ADAT1: variants seen among roughly 807,000 people sequenced by gnomAD.
The protein encoded by ADAT1 is tRNA-specific adenosine deaminase 1.
A neutral mutation model predicts 58.6 loss-of-function variants in ADAT1; 58 were observed. That is an observed-to-expected ratio of 0.99 (90% CI 0.80 to 1.23). The LOEUF is 1.23. Among genes scored for constraint, ADAT1 ranks in the 50% most tolerant of loss-of-function variants. The pLI, the probability that ADAT1 is intolerant of heterozygous loss-of-function variation, is 0.00. For missense variants in ADAT1, 741 were observed against 608.6 expected (o/e 1.22, Z -2.29); for synonymous variants, 254 against 220.8 (o/e 1.15, Z -1.33).
At chr16:75,605,237 C>A (rs1453033721) in intron 8 of ADAT1, among the ~76,000 whole-genome samples, 2 of 151,944 alleles carry the variant, frequency 1.3e-5, no homozygotes, top group Non-Finnish European at 2.9e-5. Context: ...ATTACAGGCA[C>A]GTACCATCAC....
intron 6 of ADAT1, 38 bp from the exon 7 acceptor site, chr16:75,609,026 G>A: frequency 1.2e-6 from 2 of 1,611,866 alleles, no homozygotes; most frequent in East Asian, 2.2e-5. Context: ...TTAGGTGCAT[G>A]CCTAGAGAAA....
intron 3 of ADAT1, 181 bp from the exon 4 acceptor site, chr16:75,618,821 G>C: frequency 6.4e-6 from 4 of 629,826 alleles, no homozygotes; most frequent in Non-Finnish European, 1.0e-5. Context: ...TCTCAACCCA[G>C]CACTGTAGAC....
intron 6 of ADAT1, among the ~76,000 whole-genome samples, chr16:75,609,491 G>C (rs1407015749): frequency 6.6e-6 from 1 of 151,924 alleles, no homozygotes; most frequent in Non-Finnish European, 1.5e-5. Flanking sequence ...AGTGCCTAGG[G>C]TTGGCTTTTT....
chr16:75,617,304 A>G, intron 4 of ADAT1, 32 bp from the exon 5 acceptor site: 1 of 1,600,354 alleles, frequency 6.2e-7, no homozygotes, highest in Non-Finnish European at 8.6e-7. Flanking sequence ...TAGGATGAAC[A>G]ACCGATCTCT....
In ADAT1 at chr16:75,597,807, G is replaced by A. The variant is rs529482877; in HGVS notation, c.*2409C>T. Among the ~76,000 whole-genome samples, 6 of 152,162 alleles carry A rather than the reference G, an allele frequency of 3.9e-5. No homozygotes were observed. In the South Asian group the frequency reaches 6.2e-4, roughly 16 times the overall value. On this transcript the variant is annotated 3_prime_UTR_variant, in exon 10 of 10. Transcript: ENST00000564657. ...TTCACAATAGGATTCACGCTCCTATGAGAATCTAATGCCACTGCTGGTATG... is the reference window on the plus strand; with the variant it reads ...TTCACAATAGGATTCACGCTCCTATAAGAATCTAATGCCACTGCTGGTATG...
chr16:75,620,073 T>G (rs957714227), intron 3 of ADAT1, among the ~76,000 whole-genome samples, 193 bp downstream of exon 3: 2 of 152,086 alleles, frequency 1.3e-5, no homozygotes, highest in African/African-American at 4.8e-5. Flanking sequence ...GAAAGCATGT[T>G]CCTAGAGGCC....
chr16:75,618,018 G>C (rs2081791778), intron 4 of ADAT1, among the ~76,000 whole-genome samples: 4 of 143,854 alleles, frequency 2.8e-5, no homozygotes, highest in Admixed American at 7.2e-5. Context: ...GCTTGCTTGA[G>C]TCCCAGGAGG....
chr16:75,611,337 T>C (rs946018400), intron 6 of ADAT1, among the ~76,000 whole-genome samples: 2 of 152,318 alleles, frequency 1.3e-5, no homozygotes, highest in South Asian at 2.1e-4. Context: ...TGGCTTTTTA[T>C]CTTCTAAACT....
intron 5 of ADAT1, among the ~76,000 whole-genome samples, chr16:75,616,287 T>C (rs780804748): frequency 2.0e-5 from 3 of 152,166 alleles, no homozygotes; most frequent in Non-Finnish European, 4.4e-5. Flanking sequence ...GCATTACAGG[T>C]GTGAGCCACC....
In ADAT1 at chr16:75,618,098, C is replaced by CAAA. The variant is rs1163510620; in HGVS notation, c.293+485_293+487dup. ...AGGTAACAGAGCAAGACCCTGTGTCCAAAAAAAAAAAAAAAAAAAAAAAAA... is the reference window on the plus strand; with the variant it reads ...AGGTAACAGAGCAAGACCCTGTGTCCAAAAAAAAAAAAAAAAAAAAAAAAAAAA... On this transcript the variant is annotated intron_variant, in intron 4 of 9. Coordinates refer to ENST00000564657, the MANE Select transcript of ADAT1 (RefSeq NM_001324445.2). 2.2e-3 allele frequency among the ~76,000 whole-genome samples: 73 copies of CAAA among 32,524 alleles called. 6 individuals are homozygous for CAAA. Among genetic ancestry groups the CAAA allele is most frequent in the Middle Eastern group, 0.045 (2 of 44 alleles). 21.3% of individuals were successfully genotyped at this position (32,524 alleles called of 152,430 possible).
At chr16:75,612,968 C>A in intron 5 of ADAT1, 107 bp from the exon 6 acceptor site, 1 of 1,341,866 alleles carries the variant, frequency 7.5e-7, no homozygotes, top group East Asian at 2.4e-5. Flanking sequence ...TCTTGGGACC[C>A]ACAGTAGACC....
intron 9 of ADAT1, among the ~76,000 whole-genome samples, chr16:75,601,261 A>T (rs1286816415): frequency 6.6e-6 from 1 of 151,554 alleles, no homozygotes; most frequent in Non-Finnish European, 1.5e-5. Flanking sequence ...AATCACTTGA[A>T]CCCAGGAAGC....
intron 3 of ADAT1, among the ~76,000 whole-genome samples, chr16:75,619,083 T>A (rs1398282438): frequency 2.6e-5 from 4 of 152,290 alleles, no homozygotes; most frequent in East Asian, 3.9e-4. Flanking sequence ...TACAGAAGTA[T>A]CCTACTTGTG....
At chr16:75,618,506 C>T (rs2081817693) in intron 4 of ADAT1, 80 bp downstream of exon 4, 9 of 989,490 alleles carry the variant, frequency 9.1e-6, no homozygotes, top group Non-Finnish European at 1.3e-5. Flanking sequence ...ACTCTGTCCC[C>T]CCCAAAAAAA....
intron 5 of ADAT1, among the ~76,000 whole-genome samples, chr16:75,615,265 A>G (rs1182439451): frequency 6.6e-6 from 1 of 151,298 alleles, no homozygotes; most frequent in Non-Finnish European, 1.5e-5. Context: ...GTTTTGCAAA[A>G]TTCACTACAT....
Position 75,600,235 on chromosome 16 carries a change from T to G in ADAT1, c.1490A>C (p.Asp497Ala). 1 of 1,614,166 alleles carries G rather than the reference T, an allele frequency of 6.2e-7. No homozygotes were observed. Residue 497 changes from aspartate to alanine, a missense_variant, in exon 10 of 10, where the codon GAT becomes GCT. Coordinates refer to ENST00000564657, the MANE Select transcript of ADAT1 (RefSeq NM_001324445.2). ...VFGSWIRNPPDYHQFK is the reference protein window; with the variant it reads ...VFGSWIRNPPAYHQFK The stretch of plus-strand genomic sequence containing the variant: ...TCCTTCTCACTTGAACTGGTGATAA[T>G]CCGGTGGGTTTCTGATCCAGGATCC...
intron 1 of ADAT1, among the ~76,000 whole-genome samples, chr16:75,621,289 G>T (rs1172668318): frequency 7.9e-6 from 1 of 126,350 alleles, no homozygotes; most frequent in East Asian, 1.2e-3. Flanking sequence ...CCCTACAGCA[G>T]AGTGTTTCTC....
In ADAT1 at chr16:75,598,751, T is replaced by A. The variant is rs1005164479; in HGVS notation, c.*1465A>T. The A allele has an allele frequency of 4.7e-5, 13 of 276,648 alleles. No homozygotes were observed. The highest frequency in any genetic ancestry group is 6.6e-5 in the Non-Finnish European group (12 of 182,230). The allele number at this position is 276,648 out of a possible 1,614,324, so 17.1% of individuals were successfully genotyped here. A position where few individuals can be genotyped will look rare whatever the true frequency, so the allele number is the denominator to read the frequency against. ...CCAGACTGGTCTCGAACTCCTGACC[T>A]CAGGTGATCTGCCTGCCTCAGCCTC... On this transcript the variant is annotated 3_prime_UTR_variant, in exon 10 of 10. Coordinates refer to ENST00000564657, the MANE Select transcript of ADAT1 (RefSeq NM_001324445.2).
intron 8 of ADAT1, among the ~76,000 whole-genome samples, chr16:75,607,450 C>G (rs1462945398): frequency 6.9e-6 from 1 of 145,250 alleles, no homozygotes; most frequent in Admixed American, 7.2e-5. Flanking sequence ...TGCAGTGAGC[C>G]AAGATTACGC....
Sources: allele counts gnomAD v4.1 joint callset (sites outside exome capture counted in the v4.1 genomes callset), GRCh38; gene constraint gnomAD v4.1.1; transcripts MANE v1.5; gene names NCBI Gene and HGNC (gene_info 2026-07-23, HGNC 2026-07-21).